The following PTPRN2 variants were observed in gnomAD, a reference collection of about 807,000 sequenced individuals.
The protein encoded by PTPRN2 is receptor-type tyrosine-protein phosphatase N2.
Under a neutral mutation model 118.8 loss-of-function variants are expected in PTPRN2, and 74 were observed. That is an observed-to-expected ratio of 0.62 (90% CI 0.52 to 0.76). PTPRN2 has a LOEUF of 0.76. Among genes scored for constraint, PTPRN2 ranks in the 30% least tolerant of loss-of-function variants. The pLI is 0.00. For synonymous variants in PTPRN2, 641 were observed against 608.0 expected (o/e 1.05, Z -0.80); for missense variants, 1,481 against 1,394.4 (o/e 1.06, Z -0.99).
At position 157,583,741 on chromosome 7, in the gene PTPRN2, G is replaced by A. The variant is rs1291500720; in HGVS notation, c.2497-5601C>T. ...TTTACTAAAAATAGAAAATTAGCCA[G>A]GTGTGTTGGTGGGTGCTGTAATCCC... On this transcript the variant is annotated intron_variant, in intron 17 of 22. Coordinates refer to ENST00000389418, the MANE Select transcript of PTPRN2 (RefSeq NM_002847.5). The surrounding 1 kb of genome is among the most constrained non-coding windows in gnomAD (Gnocchi z 5.5). Among the ~76,000 whole-genome samples, 2 of 152,198 alleles carry A rather than the reference G, an allele frequency of 1.3e-5. No individual in the cohort carries two copies. The highest frequency in any genetic ancestry group is 2.9e-5 in the Non-Finnish European group (2 of 68,046).
intron 11 of PTPRN2, among the ~76,000 whole-genome samples, chr7:158,056,474 AT>A (rs1310375350): frequency 6.6e-6 from 1 of 152,194 alleles, no homozygotes; most frequent in East Asian, 1.9e-4. Context: ...TTTTGTGTGC[AT>A]TTTTCAACAG....
chr7:158,573,970 A>T (rs1787512711), intron 1 of PTPRN2, among the ~76,000 whole-genome samples: 1 of 152,244 alleles, frequency 6.6e-6, no homozygotes, highest in South Asian at 2.1e-4. Flanking sequence ...AAAGATTCTT[A>T]GAAAGGAATC....
At chr7:158,295,592 T>C (rs1800437041) in intron 3 of PTPRN2, among the ~76,000 whole-genome samples, 1 of 138,432 alleles carries the variant, frequency 7.2e-6, no homozygotes, top group African/African-American at 2.8e-5. Context: ...GCCCAGACAC[T>C]GCACCACTCT....
rs139947698 is a variant in PTPRN2, at chr7:158,044,002, C to T, written c.1723+37296G>A. Among the ~76,000 whole-genome samples, 317 of 152,330 alleles carry T rather than the reference C, an allele frequency of 2.1e-3. 3 individuals are homozygous for T. Among genetic ancestry groups the T allele is most frequent in the African/African-American group, 7.4e-3 (309 of 41,570 alleles). ...AAAGCATAAAGAGAAAGGCCACACGCCGAGGCTGTGATGGGCAGTGAGGAT... is the reference window on the plus strand; with the variant it reads ...AAAGCATAAAGAGAAAGGCCACACGTCGAGGCTGTGATGGGCAGTGAGGAT... On this transcript the variant is annotated intron_variant, in intron 11 of 22. Transcript: ENST00000389418.
intron 3 of PTPRN2, among the ~76,000 whole-genome samples, chr7:158,233,536 G>A (rs112239884): frequency 1.1e-3 from 170 of 152,148 alleles, no homozygotes; most frequent in African/African-American, 3.8e-3. Flanking sequence ...AGATGAGATG[G>A]GGCTTGTTCA....
intron 1 of PTPRN2, among the ~76,000 whole-genome samples, chr7:158,557,629 G>C (rs73510597): frequency 6.6e-6 from 1 of 152,210 alleles, no homozygotes; most frequent in East Asian, 1.9e-4. Context: ...CCTGGCCTAC[G>C]CTTTCTCATC....
intron 14 of PTPRN2, among the ~76,000 whole-genome samples, chr7:157,634,754 C>G (rs1804203158): frequency 6.6e-6 from 1 of 152,242 alleles, no homozygotes; most frequent in African/African-American, 2.4e-5. Context: ...GATTCACAGG[C>G]TGACGTAGGC....
At chr7:157,725,711 ATG>A (rs1176724019) in intron 12 of PTPRN2, among the ~76,000 whole-genome samples, 3,028 of 76,354 alleles carry the variant, frequency 0.04, 28 homozygotes, top group East Asian at 0.11. Flanking sequence ...GGATATCCAC[ATG>A]CAGAGGAGTG....
Position 157,598,875 on chromosome 7 carries a change from A to G in PTPRN2, c.2419-3560T>C, listed in dbSNP as rs926413370. Among the ~76,000 whole-genome samples the G allele has an allele frequency of 6.6e-6, 1 of 152,216 alleles. No homozygotes were observed. The highest frequency in any genetic ancestry group is 1.5e-5 in the Non-Finnish European group (1 of 68,032). ...GGTCATTTCTGAGCGCTTTCTCCCC[A>G]GACAGGGGCTTCTGCAGCAACACAT... On this transcript the variant is annotated intron_variant, in intron 16 of 22. Coordinates refer to ENST00000389418, the MANE Select transcript of PTPRN2 (RefSeq NM_002847.5). This position sits in a 1 kb window ranked among gnomAD's most constrained non-coding sequence, Gnocchi z 5.2.
At chr7:157,916,348 GA>G (rs1375913753) in intron 11 of PTPRN2, among the ~76,000 whole-genome samples, 1 of 152,224 alleles carries the variant, frequency 6.6e-6, no homozygotes. Flanking sequence ...GAGCCTCTGG[GA>G]GGTGTTGGCC....
intron 2 of PTPRN2, among the ~76,000 whole-genome samples, chr7:158,421,485 A>G (rs970321103): frequency 3.3e-5 from 5 of 152,226 alleles, no homozygotes; most frequent in Admixed American, 3.3e-4. Context: ...AGTTTCTCCA[A>G]GTGAGATATG....
intron 1 of PTPRN2, among the ~76,000 whole-genome samples, chr7:158,548,518 C>T (rs915622545): frequency 5.3e-5 from 8 of 152,214 alleles, no homozygotes; most frequent in African/African-American, 9.6e-5. Flanking sequence ...GACCCCTCAG[C>T]GATGACCAGG....
intron 2 of PTPRN2, among the ~76,000 whole-genome samples, chr7:158,377,514 G>A (rs1450223606): frequency 1.3e-5 from 2 of 152,204 alleles, no homozygotes; most frequent in African/African-American, 2.4e-5. Flanking sequence ...CCCACAGGCT[G>A]GGGAGGAAAC....
At chr7:157,774,338 G>A (rs1803062599) in intron 12 of PTPRN2, among the ~76,000 whole-genome samples, 1 of 152,250 alleles carries the variant, frequency 6.6e-6, no homozygotes, top group Admixed American at 6.5e-5. Flanking sequence ...AGGGTTGCTG[G>A]CCTCAGGCCA....
chr7:158,281,607 T>A (rs1035078809), intron 3 of PTPRN2, among the ~76,000 whole-genome samples: 1 of 152,156 alleles, frequency 6.6e-6, no homozygotes, highest in African/African-American at 2.4e-5. Context: ...CCCTGCGCAT[T>A]TGTGCTGGCT....
intron 11 of PTPRN2, among the ~76,000 whole-genome samples, chr7:157,975,157 C>G (rs1003647025): frequency 6.6e-6 from 1 of 152,274 alleles, no homozygotes; most frequent in Non-Finnish European, 1.5e-5. Context: ...TTCTGGGGCC[C>G]CCCAGTTCCT....
intron 2 of PTPRN2, among the ~76,000 whole-genome samples, chr7:158,326,635 C>T (rs1356935268): frequency 8.3e-6 from 1 of 120,918 alleles, no homozygotes; most frequent in Non-Finnish European, 1.7e-5. Flanking sequence ...TTCTCACATG[C>T]ACACGTTTTC....
At chr7:158,225,084 T>C (rs1246394170) in intron 3 of PTPRN2, among the ~76,000 whole-genome samples, 1 of 152,076 alleles carries the variant, frequency 6.6e-6, no homozygotes, top group Non-Finnish European at 1.5e-5. Context: ...GGAAAGGATT[T>C]GGATTCAGAA....
At chr7:158,291,498 T>G (rs1800118282) in intron 3 of PTPRN2, among the ~76,000 whole-genome samples, 1 of 152,212 alleles carries the variant, frequency 6.6e-6, no homozygotes, top group Non-Finnish European at 1.5e-5. Flanking sequence ...TTTGGTTGAT[T>G]TCTAATGTTT....
Sources: allele counts gnomAD v4.1 joint callset (sites outside exome capture counted in the v4.1 genomes callset), GRCh38; gene constraint gnomAD v4.1.1; non-coding constraint Gnocchi (gnomAD v3.1); transcripts MANE v1.5; gene names NCBI Gene and HGNC (gene_info 2026-07-23, HGNC 2026-07-21).